RPH3A: variants seen among roughly 807,000 people sequenced by gnomAD.
The protein encoded by RPH3A is rabphilin-3A.
RPH3A carries 48 observed loss-of-function variants against 102.2 expected under a neutral mutation model. The ratio of observed to expected loss-of-function variants is 0.47; its 90% confidence interval spans 0.37 to 0.60. The LOEUF (loss-of-function observed/expected upper bound fraction) is 0.60, where lower values mean the gene tolerates loss of function less well. Among genes scored for constraint, RPH3A ranks in the 20% least tolerant of loss-of-function variants. RPH3A has a pLI of 0.00. For synonymous variants in RPH3A, 310 were observed against 324.3 expected (o/e 0.96, Z 0.47); for missense variants, 781 against 910.1 (o/e 0.86, Z 1.83).
At chr12:112,801,501 T>C (rs1407063665) in intron 2 of RPH3A, among the ~76,000 whole-genome samples, 1 of 152,224 alleles carries the variant, frequency 6.6e-6, no homozygotes, top group African/African-American at 2.4e-5. Flanking sequence ...ATCTGAACGA[T>C]GGATAAGTGC....
chr12:112,757,490 G>T (rs1160532829), intron 1 of RPH3A, among the ~76,000 whole-genome samples: 1 of 152,110 alleles, frequency 6.6e-6, no homozygotes, highest in Non-Finnish European at 1.5e-5. Context: ...ACAAAGAAAT[G>T]ATAAAAGTTT....
chr12:112,626,978 A>G (rs1310722660), intron 1 of RPH3A, among the ~76,000 whole-genome samples: 1 of 100,326 alleles, frequency 1.0e-5, no homozygotes, highest in Non-Finnish European at 2.0e-5. Flanking sequence ...CAAACACCGC[A>G]TATTCTCACT....
chr12:112,778,870 C>G (rs1456194803), intron 1 of RPH3A, among the ~76,000 whole-genome samples: 1 of 152,112 alleles, frequency 6.6e-6, no homozygotes, highest in East Asian at 1.9e-4. Flanking sequence ...ATCATTGTGG[C>G]CAGGGGATGA....
intron 4 of RPH3A, among the ~76,000 whole-genome samples, chr12:112,841,009 C>T (rs2042131612): frequency 6.6e-6 from 1 of 151,740 alleles, no homozygotes; most frequent in Non-Finnish European, 1.5e-5. Flanking sequence ...CCATACTTTA[C>T]ATTCCCCTAA....
chr12:112,750,251 C>T (rs113558620), intron 1 of RPH3A, among the ~76,000 whole-genome samples: 4,784 of 152,160 alleles, frequency 0.031, 249 homozygotes, highest in African/African-American at 0.11. Flanking sequence ...TGGGTTCCTA[C>T]GAAATAGACC....
chr12:112,856,684 G>A (rs771499335), intron 5 of RPH3A, among the ~76,000 whole-genome samples: 18 of 152,172 alleles, frequency 1.2e-4, no homozygotes, highest in Non-Finnish European at 2.6e-4. Context: ...GACTTCGCAG[G>A]CAGATGATAG....
intron 1 of RPH3A, among the ~76,000 whole-genome samples, chr12:112,680,299 A>C (rs1232762597): frequency 6.6e-6 from 1 of 152,088 alleles, no homozygotes; most frequent in Non-Finnish European, 1.5e-5. Context: ...CAGGGTGGAA[A>C]ATTTCCTCCT....
intron 1 of RPH3A, among the ~76,000 whole-genome samples, chr12:112,753,022 C>T (rs537349825): frequency 7.1e-6 from 1 of 140,514 alleles, no homozygotes; most frequent in East Asian, 2.2e-4. Context: ...TATCCTTGTA[C>T]ATCTATCTTT....
At chr12:112,824,531 C>T (rs973785460) in intron 2 of RPH3A, among the ~76,000 whole-genome samples, 3 of 152,168 alleles carry the variant, frequency 2.0e-5, no homozygotes, top group Non-Finnish European at 4.4e-5. Flanking sequence ...CCGGTGGACA[C>T]ATGCCTTCCT....
intron 14 of RPH3A, among the ~76,000 whole-genome samples, chr12:112,880,021 G>T (rs78010789): frequency 2.6e-5 from 4 of 152,174 alleles, no homozygotes; most frequent in Non-Finnish European, 5.9e-5. Context: ...TTCTATGCCT[G>T]TTGCCTCGCT....
chr12:112,811,117 T>A (rs999613959), intron 2 of RPH3A, among the ~76,000 whole-genome samples: 1 of 152,168 alleles, frequency 6.6e-6, no homozygotes, highest in Non-Finnish European at 1.5e-5. Flanking sequence ...AGGGTTAGGT[T>A]CCTACGAATT....
Position 112,887,733 on chromosome 12 carries a change from G to A in RPH3A, c.1437-64G>A. 3.2e-6 allele frequency: 5 copies of A among 1,551,644 alleles called. No individual in the cohort carries two copies. The South Asian group carries it at 5.8e-5, about 18-fold the overall frequency. Reference sequence around the variant, plus strand: ...CTTACCAGTATCAGCTGCAACTCTTGGCACACAGTGGTGTCTTAATATTTG... The same window carrying A: ...CTTACCAGTATCAGCTGCAACTCTTAGCACACAGTGGTGTCTTAATATTTG... On this transcript the variant is annotated intron_variant, in intron 16 of 21. Coordinates refer to ENST00000389385, the MANE Select transcript of RPH3A (RefSeq NM_001143854.2).
intron 4 of RPH3A, among the ~76,000 whole-genome samples, chr12:112,839,738 AG>A (rs1285074479): frequency 6.6e-6 from 1 of 152,226 alleles, no homozygotes; most frequent in Non-Finnish European, 1.5e-5. Flanking sequence ...CCAGAATCCC[AG>A]CACTTTGGGA....
intron 1 of RPH3A, among the ~76,000 whole-genome samples, chr12:112,785,405 T>C (rs1449020034): frequency 6.6e-6 from 1 of 152,102 alleles, no homozygotes; most frequent in Non-Finnish European, 1.5e-5. Flanking sequence ...ATATAATAAT[T>C]TTCTAATGTG....
intron 17 of RPH3A, among the ~76,000 whole-genome samples, chr12:112,888,388 G>A (rs1031292551): frequency 2.0e-5 from 3 of 152,256 alleles, no homozygotes; most frequent in Non-Finnish European, 4.4e-5. Flanking sequence ...ATTAACAGTT[G>A]TTAGTGTAGG....
At chr12:112,683,034 A>G (rs7953029) in intron 1 of RPH3A, among the ~76,000 whole-genome samples, 5,446 of 152,154 alleles carry the variant, frequency 0.036, 339 homozygotes, top group African/African-American at 0.12. Context: ...TGGCAGGATT[A>G]TTTATTTCTG....
chr12:112,721,413 T>C (rs866077753), intron 1 of RPH3A, among the ~76,000 whole-genome samples: 3 of 152,264 alleles, frequency 2.0e-5, no homozygotes, highest in Middle Eastern at 6.8e-3. Flanking sequence ...CAGAAAAATA[T>C]ACAACAGCAT....
intron 1 of RPH3A, among the ~76,000 whole-genome samples, chr12:112,725,791 T>C (rs2040584616): frequency 6.6e-6 from 1 of 151,726 alleles, no homozygotes; most frequent in Non-Finnish European, 1.5e-5. Flanking sequence ...GTTGTTGTTG[T>C]TGTTGTTGTT....
chr12:112,747,160 T>A (rs986040901), intron 1 of RPH3A, among the ~76,000 whole-genome samples: 2 of 152,174 alleles, frequency 1.3e-5, no homozygotes, highest in Non-Finnish European at 2.9e-5. Flanking sequence ...ACCATACCAC[T>A]CCCCACCCCA....
Sources: gnomAD v4.1 joint callset for allele counts (sites outside exome capture counted in the v4.1 genomes callset) on GRCh38, gnomAD v4.1.1 for gene constraint, MANE v1.5 for transcripts, NCBI Gene and HGNC (gene_info 2026-07-23, HGNC 2026-07-21) for gene names.